The following CORIN variants were observed in gnomAD, a reference collection of about 807,000 sequenced individuals.
CORIN encodes the protein atrial natriuretic peptide-converting enzyme.
Under a neutral mutation model 125.3 loss-of-function variants are expected in CORIN, and 117 were observed. That is an observed-to-expected ratio of 0.93 (90% CI 0.80 to 1.09). The LOEUF is 1.09. Among genes scored for constraint, CORIN ranks in the 50% least tolerant of loss-of-function variants. The pLI is 0.00. For synonymous variants in CORIN, 450 were observed against 466.4 expected (o/e 0.96, Z 0.45); for missense variants, 1,253 against 1,306.7 (o/e 0.96, Z 0.63).
At chr4:47,725,609 C>G (rs1422592330) in intron 5 of CORIN, among the ~76,000 whole-genome samples, 1 of 151,926 alleles carries the variant, frequency 6.6e-6, no homozygotes, top group Non-Finnish European at 1.5e-5. Context: ...ATACCTTATA[C>G]CTTAGGCAAA....
At chr4:47,806,775 G>A (rs963201146) in intron 2 of CORIN, 128 bp downstream of exon 2, 82 of 930,242 alleles carry the variant, frequency 8.8e-5, no homozygotes, top group Non-Finnish European at 1.0e-4. Flanking sequence ...TTTGCATAAC[G>A]TCATCAAAAG....
intron 4 of CORIN, among the ~76,000 whole-genome samples, chr4:47,751,250 C>G (rs1728884677): frequency 6.6e-6 from 1 of 152,178 alleles, no homozygotes; most frequent in African/African-American, 2.4e-5. Flanking sequence ...TACCACTCCT[C>G]CTTCACATAC....
chr4:47,764,451 A>G (rs531599820), intron 3 of CORIN, among the ~76,000 whole-genome samples: 1 of 152,120 alleles, frequency 6.6e-6, no homozygotes, highest in South Asian at 2.1e-4. Context: ...AATCGACCAC[A>G]TTTTCTTTTT....
intron 6 of CORIN, among the ~76,000 whole-genome samples, chr4:47,687,727 T>C (rs1178014250): frequency 6.6e-6 from 1 of 152,140 alleles, no homozygotes; most frequent in East Asian, 1.9e-4. Context: ...CCACAGAAGA[T>C]TAAATATGGA....
At chr4:47,724,410 G>A (rs185906171) in intron 5 of CORIN, among the ~76,000 whole-genome samples, 1 of 152,068 alleles carries the variant, frequency 6.6e-6, no homozygotes, top group East Asian at 1.9e-4. Flanking sequence ...GTCCAATATT[G>A]ATGTCATTAA....
At chr4:47,760,305 G>GT (rs1452219338) in intron 4 of CORIN, among the ~76,000 whole-genome samples, 1 of 152,088 alleles carries the variant, frequency 6.6e-6, no homozygotes, top group Non-Finnish European at 1.5e-5. Flanking sequence ...AAAGAAATCT[G>GT]TTTTTTTCTG....
At chr4:47,761,239 C>A (rs967432002) in intron 4 of CORIN, among the ~76,000 whole-genome samples, 1 of 152,156 alleles carries the variant, frequency 6.6e-6, no homozygotes, top group African/African-American at 2.4e-5. Context: ...GCTTTCAACA[C>A]GCCTTCCTCA....
chr4:47,720,268 T>A (rs1474275544), intron 5 of CORIN, among the ~76,000 whole-genome samples: 2 of 152,202 alleles, frequency 1.3e-5, no homozygotes, highest in Admixed American at 1.3e-4. Context: ...TTTCTTCAAT[T>A]AGAAGTCATC....
intron 9 of CORIN, among the ~76,000 whole-genome samples, chr4:47,677,107 A>C (rs1362157831): frequency 6.6e-6 from 1 of 152,232 alleles, no homozygotes; most frequent in African/African-American, 2.4e-5. Flanking sequence ...ATATGCTTTA[A>C]TGTAGTAGCC....
At chr4:47,598,572 A>G (rs1301998446) in intron 21 of CORIN, among the ~76,000 whole-genome samples, 1 of 152,192 alleles carries the variant, frequency 6.6e-6, no homozygotes, top group Non-Finnish European at 1.5e-5. Context: ...GATCTTGAAC[A>G]TGTGCCAAGA....
At chr4:47,640,938 A>C (rs1331906019) in intron 16 of CORIN, among the ~76,000 whole-genome samples, 1 of 152,226 alleles carries the variant, frequency 6.6e-6, no homozygotes, top group Non-Finnish European at 1.5e-5. Context: ...AATGAAGTCT[A>C]ATTTAATAGA....
chr4:47,814,612 A>G (rs1387296611), intron 1 of CORIN, among the ~76,000 whole-genome samples: 2 of 152,174 alleles, frequency 1.3e-5, no homozygotes, highest in Admixed American at 1.3e-4. Context: ...CTCTGCAATA[A>G]TAGCTCTCAC....
intron 6 of CORIN, among the ~76,000 whole-genome samples, chr4:47,691,642 CT>C (rs975674323): frequency 6.6e-6 from 1 of 151,846 alleles, no homozygotes; most frequent in African/African-American, 2.4e-5. Context: ...AGGCAAATGT[CT>C]TTTTTTAAAA....
chr4:47,749,102 A>G (rs1418954164), intron 4 of CORIN, among the ~76,000 whole-genome samples: 1 of 152,146 alleles, frequency 6.6e-6, no homozygotes, highest in African/African-American at 2.4e-5. Context: ...CTCAGAATTT[A>G]AAACTCTTTT....
chr4:47,759,972 T>C (rs932153570), intron 4 of CORIN, among the ~76,000 whole-genome samples: 1 of 152,210 alleles, frequency 6.6e-6, no homozygotes, highest in Non-Finnish European at 1.5e-5. Context: ...TTCTTCCAAA[T>C]TCCTGTTAAT....
At chr4:47,600,159 A>C (rs1296509979) in intron 21 of CORIN, 55 bp downstream of exon 21, 3 of 1,518,982 alleles carry the variant, frequency 2.0e-6, no homozygotes, top group African/African-American at 2.8e-5. Context: ...GTTTATAGGA[A>C]TCCACTGAAG....
chr4:47,688,524 C>G (rs1490521307), intron 6 of CORIN, among the ~76,000 whole-genome samples: 1 of 152,098 alleles, frequency 6.6e-6, no homozygotes, highest in African/African-American at 2.4e-5. Flanking sequence ...ATTGCTTGAG[C>G]TCGGGTAGTG....
At chr4:47,675,878 A>G (rs1438295267) in intron 9 of CORIN, among the ~76,000 whole-genome samples, 1 of 152,162 alleles carries the variant, frequency 6.6e-6, no homozygotes, top group African/African-American at 2.4e-5. Context: ...CAGCTAAAAT[A>G]CATTTAAAGA....
Position 47,693,020 on chromosome 4 carries a change from T to C in CORIN, c.863A>G (p.Gln288Arg). ...ASGICIPGKL[Q>R]CNGYNDCDDW... ...GTCACAGTCGTTGTAGCCATTACAT[T>C]GCAGTTTCCCGGGGATGCAGATTCC... Residue 288 changes from glutamine to arginine, a missense_variant, in exon 6 of 22, where the codon CAA becomes CGA. Transcript: ENST00000273857. 3 of 1,613,994 alleles carry C rather than the reference T, an allele frequency of 1.9e-6. No individual in the cohort carries two copies. Among genetic ancestry groups the C allele is most frequent in the Non-Finnish European group, 2.5e-6 (3 of 1,179,894 alleles).
Sources: allele counts gnomAD v4.1 joint callset (sites outside exome capture counted in the v4.1 genomes callset), GRCh38; gene constraint gnomAD v4.1.1; transcripts MANE v1.5; gene names NCBI Gene and HGNC (gene_info 2026-07-23, HGNC 2026-07-21).